GABRG2: variants seen among roughly 807,000 people sequenced by gnomAD.
GABRG2 encodes the protein gamma-aminobutyric acid type A receptor subunit gamma2.
A neutral mutation model predicts 56.4 loss-of-function variants in GABRG2; 16 were observed. That is an observed-to-expected ratio of 0.28 (90% CI 0.19 to 0.43). The LOEUF is 0.43. Among genes scored for constraint, GABRG2 ranks in the 20% least tolerant of loss-of-function variants. The pLI, the probability that GABRG2 is intolerant of heterozygous loss-of-function variation, is 1.00. For synonymous variants in GABRG2, 208 were observed against 205.5 expected, an observed-to-expected ratio of 1.01 and a Z score of -0.10; for missense variants, 327 against 582.7, an observed-to-expected ratio of 0.56 and a Z score of 4.52.
At chr5:162,109,188 A>G (rs544797758) in intron 6 of GABRG2, among the ~76,000 whole-genome samples, 1 of 151,870 alleles carries the variant, frequency 6.6e-6, no homozygotes, top group African/African-American at 2.4e-5. Context: ...TGGGAATTGA[A>G]CAATGAGAAC....
intron 6 of GABRG2, among the ~76,000 whole-genome samples, chr5:162,115,568 G>A (rs896621453): frequency 2.0e-5 from 3 of 152,072 alleles, no homozygotes; most frequent in East Asian, 3.9e-4. Flanking sequence ...ATGAGTGGGA[G>A]GAGCAAGGGT....
chr5:162,087,794 CACAG>C (rs1760244614), intron 1 of GABRG2, among the ~76,000 whole-genome samples: 2 of 152,056 alleles, frequency 1.3e-5, no homozygotes, highest in African/African-American at 4.8e-5. Context: ...AATAAAATCC[CACAG>C]ACATTTATTT....
At chr5:162,088,796 C>T (rs1561639999) in intron 1 of GABRG2, among the ~76,000 whole-genome samples, 1 of 152,026 alleles carries the variant, frequency 6.6e-6, no homozygotes, top group Non-Finnish European at 1.5e-5. Flanking sequence ...ATCTGTAAAA[C>T]AGGAATAATT....
At chr5:162,124,055 G>C (rs1305928865) in intron 6 of GABRG2, among the ~76,000 whole-genome samples, 7 of 151,844 alleles carry the variant, frequency 4.6e-5, no homozygotes, top group Admixed American at 3.9e-4. Flanking sequence ...GGCCTGAGAG[G>C]CATGAGGAAA....
intron 1 of GABRG2, among the ~76,000 whole-genome samples, chr5:162,081,715 A>G (rs1334228108): frequency 6.6e-6 from 1 of 151,974 alleles, no homozygotes; most frequent in East Asian, 1.9e-4. Flanking sequence ...TCATAATATG[A>G]TATCACCACA....
chr5:162,068,178 G>A (rs1358884061), intron 1 of GABRG2, 72 bp downstream of exon 1: 2 of 990,384 alleles, frequency 2.0e-6, no homozygotes, highest in African/African-American at 3.2e-5. Context: ...GGGTAACTCG[G>A]GAGACCACCC....
chr5:162,149,250 C>T lies in GABRG2; in HGVS notation c.1065C>T (p.Thr355=). 1 of 1,614,088 alleles carries T rather than the reference C, an allele frequency of 6.2e-7. No homozygotes were observed. Among genetic ancestry groups the T allele is most frequent in the Non-Finnish European group, 8.5e-7 (1 of 1,180,012 alleles). Residue 355 remains threonine, a synonymous_variant, in exon 8 of 10, where the codon ACC becomes ACT. Coordinates refer to ENST00000639213, the MANE Select transcript of GABRG2 (RefSeq NM_198904.4). The part of the protein sequence containing the change: ...FVFSALVEYG[T]LHYFVSNRKP... ...TCTCTGCTCTGGTGGAGTATGGCAC[C>T]TTGCATTATTTTGTCAGCAACCGGA...
intron 1 of GABRG2, among the ~76,000 whole-genome samples, chr5:162,071,939 A>C (rs1758706975): frequency 6.6e-6 from 1 of 151,940 alleles, no homozygotes; most frequent in East Asian, 1.9e-4. Context: ...AAAGAAAAAC[A>C]GAACGTAAAT....
chr5:162,076,008 T>C (rs1026668163), intron 1 of GABRG2, among the ~76,000 whole-genome samples: 1 of 151,376 alleles, frequency 6.6e-6, no homozygotes, highest in East Asian at 1.9e-4. Context: ...AAAAATTAAC[T>C]GGGTATGGTA....
intron 1 of GABRG2, among the ~76,000 whole-genome samples, chr5:162,072,131 A>G (rs1045807355): frequency 3.3e-5 from 5 of 151,998 alleles, no homozygotes; most frequent in Admixed American, 6.6e-5. Context: ...TTTAAAGCAT[A>G]TATATTTTAA....
At chr5:162,081,953 G>A (rs1025131390) in intron 1 of GABRG2, among the ~76,000 whole-genome samples, 10 of 151,902 alleles carry the variant, frequency 6.6e-5, no homozygotes, top group African/African-American at 2.4e-4. Flanking sequence ...CAGAATAACA[G>A]ATTTTAAAAC....
intron 6 of GABRG2, among the ~76,000 whole-genome samples, chr5:162,140,694 CTA>C (rs1764496656): frequency 6.6e-6 from 1 of 152,174 alleles, no homozygotes; most frequent in South Asian, 2.1e-4. Context: ...ATTTGAAAAG[CTA>C]TCTCATTTAT....
At chr5:162,113,084 C>T (rs1349710560) in intron 6 of GABRG2, among the ~76,000 whole-genome samples, 3 of 151,906 alleles carry the variant, frequency 2.0e-5, no homozygotes, top group South Asian at 2.1e-4. Context: ...GGATTGCACA[C>T]GCACGCCACT....
At chr5:162,152,166 T>G (rs974882990) in intron 9 of GABRG2, 3 of 181,490 alleles carry the variant, frequency 1.7e-5, no homozygotes, top group Non-Finnish European at 3.5e-5. Context: ...CTTAATGATT[T>G]CTGTTTTTCT....
chr5:162,151,315 G>A (rs1765357340), intron 8 of GABRG2: 1 of 157,670 alleles, frequency 6.3e-6, no homozygotes, highest in Non-Finnish European at 1.4e-5. Context: ...CTAGGAATGA[G>A]AAGCTGAAAG....
chr5:162,131,078 G>A (rs924429955), intron 6 of GABRG2, among the ~76,000 whole-genome samples: 1 of 151,936 alleles, frequency 6.6e-6, no homozygotes, highest in African/African-American at 2.4e-5. Context: ...AGAAGCAGTG[G>A]AATCTTTTCT....
At chr5:162,091,244 G>A (rs555892567) in intron 1 of GABRG2, among the ~76,000 whole-genome samples, 81 of 151,968 alleles carry the variant, frequency 5.3e-4, no homozygotes, top group Non-Finnish European at 1.0e-3. Flanking sequence ...TTTGAAGCTG[G>A]TGTTATAAAT....
intron 6 of GABRG2, among the ~76,000 whole-genome samples, chr5:162,105,814 T>TACACACACACAC (rs67276484): frequency 0.013 from 1,919 of 147,552 alleles, 46 homozygotes; most frequent in African/African-American, 0.045. Context: ...AGAAAACACA[T>TACACACACACAC]ACACACACAC....
At chr5:162,139,836 A>G (rs1258231020) in intron 6 of GABRG2, among the ~76,000 whole-genome samples, 1 of 152,210 alleles carries the variant, frequency 6.6e-6, no homozygotes, top group Admixed American at 6.5e-5. Context: ...GGTACCCCTG[A>G]ATATTATTAT....
Sources: allele counts gnomAD v4.1 joint callset (sites outside exome capture counted in the v4.1 genomes callset), GRCh38; gene constraint gnomAD v4.1.1; transcripts MANE v1.5; gene names NCBI Gene and HGNC (gene_info 2026-07-23, HGNC 2026-07-21).